SLC25A48: variants seen among roughly 807,000 people sequenced by gnomAD.
SLC25A48 encodes solute carrier family 25 member 48, also known as CTC-321K16.1.
Under a neutral mutation model 32.2 loss-of-function variants are expected in SLC25A48, and 29 were observed. The ratio of observed to expected loss-of-function variants is 0.90; its 90% CI spans 0.67 to 1.23. The LOEUF is 1.23. SLC25A48 is among the 50% of genes most tolerant of loss of function. The pLI is 0.00. For missense variants in SLC25A48, 399 were observed against 422.7 expected, an observed-to-expected ratio of 0.94 and a Z score of 0.49; for synonymous variants, 164 against 172.3, an observed-to-expected ratio of 0.95 and a Z score of 0.38.
intron 3 of SLC25A48, among the ~76,000 whole-genome samples, chr5:135,717,209 A>G (rs1754822046): frequency 6.6e-6 from 1 of 152,180 alleles, no homozygotes; most frequent in East Asian, 1.9e-4. Flanking sequence ...CTCTGGCAAG[A>G]AACTCGTCTC....
intron 1 of SLC25A48, among the ~76,000 whole-genome samples, chr5:135,585,435 T>A (rs1294313742): frequency 6.6e-6 from 1 of 152,208 alleles, no homozygotes; most frequent in Non-Finnish European, 1.5e-5. Flanking sequence ...GAGAGGCACC[T>A]GCTGTCCGCG....
At chr5:135,850,346 C>T (rs1484281248) in intron 2 of SLC25A48, 79 bp from the exon 3 acceptor site, 5 of 1,453,396 alleles carry the variant, frequency 3.4e-6, no homozygotes, top group Admixed American at 1.7e-5. Context: ...TGAGCAGGGC[C>T]TTTCCCTCTG....
intron 3 of SLC25A48, among the ~76,000 whole-genome samples, chr5:135,685,041 T>C (rs1753985871): frequency 6.6e-6 from 1 of 152,220 alleles, no homozygotes; most frequent in African/African-American, 2.4e-5. Context: ...TGAGCTTGTC[T>C]GTTTTCCTGA....
intron 4 of SLC25A48, among the ~76,000 whole-genome samples, chr5:135,825,351 C>T (rs4976477): frequency 0.15 from 22,379 of 152,200 alleles, 1,916 homozygotes; most frequent in Middle Eastern, 0.2. Flanking sequence ...GGATTTGACC[C>T]GAAGCTTGTG....
chr5:135,668,765 C>T (rs111484101), intron 3 of SLC25A48, among the ~76,000 whole-genome samples: 1,535 of 152,292 alleles, frequency 0.01, 28 homozygotes, highest in African/African-American at 0.035. Flanking sequence ...GGGCTCTGTT[C>T]CCTAAGCCAG....
chr5:135,870,908 T>G (rs1261561515), intron 4 of SLC25A48, among the ~76,000 whole-genome samples: 1 of 151,260 alleles, frequency 6.6e-6, no homozygotes, highest in Non-Finnish European at 1.5e-5. Context: ...TATAAAATTA[T>G]AAATATTAAA....
At chr5:135,696,462 T>A (rs1403942683) in intron 3 of SLC25A48, among the ~76,000 whole-genome samples, 2 of 152,148 alleles carry the variant, frequency 1.3e-5, no homozygotes, top group African/African-American at 4.8e-5. Context: ...GGCAGTGAAT[T>A]CCAGAAGGGC....
intron 3 of SLC25A48, among the ~76,000 whole-genome samples, chr5:135,790,341 A>G (rs1207743332): frequency 6.6e-6 from 1 of 151,798 alleles, no homozygotes; most frequent in African/African-American, 2.4e-5. Flanking sequence ...ATTATTCATA[A>G]TGTCCTAGGG....
chr5:135,804,030 T>C (rs974495670), intron 3 of SLC25A48, among the ~76,000 whole-genome samples: 1 of 151,418 alleles, frequency 6.6e-6, no homozygotes, highest in Non-Finnish European at 1.5e-5. Flanking sequence ...TTCTGTGATA[T>C]TAGGAATCAT....
chr5:135,645,024 C>T (rs912605045), intron 3 of SLC25A48, among the ~76,000 whole-genome samples: 4 of 152,128 alleles, frequency 2.6e-5, no homozygotes, highest in Non-Finnish European at 2.9e-5. Flanking sequence ...TCCATCTGTC[C>T]CCATTCTAAA....
intron 4 of SLC25A48, among the ~76,000 whole-genome samples, chr5:135,855,201 G>A (rs994716592): frequency 1.3e-5 from 2 of 152,180 alleles, no homozygotes; most frequent in African/African-American, 2.4e-5. Context: ...ATAGAGATAG[G>A]AAGTGAGCAC....
upstream of SLC25A48, among the ~76,000 whole-genome samples, chr5:135,830,320 C>G (rs2126669778): frequency 6.6e-6 from 1 of 152,338 alleles, no homozygotes; most frequent in East Asian, 1.9e-4. Flanking sequence ...AGCTGATATC[C>G]CCGTGGCCAA....
intron 3 of SLC25A48, among the ~76,000 whole-genome samples, chr5:135,661,532 A>G (rs1347854379): frequency 6.6e-6 from 1 of 152,146 alleles, no homozygotes; most frequent in African/African-American, 2.4e-5. Context: ...ATTAAATCCC[A>G]CAAAAAACAT....
intron 3 of SLC25A48, among the ~76,000 whole-genome samples, chr5:135,758,495 A>C (rs1187061031): frequency 6.6e-6 from 1 of 150,900 alleles, no homozygotes; most frequent in Non-Finnish European, 1.5e-5. Context: ...TAGTGTTAAC[A>C]CACTATGATA....
chr5:135,817,199 T>C (rs1757742061), intron 4 of SLC25A48, among the ~76,000 whole-genome samples: 1 of 152,120 alleles, frequency 6.6e-6, no homozygotes, highest in Admixed American at 6.5e-5. Flanking sequence ...GAGAGCAGTA[T>C]GATATTGGCA....
intron 3 of SLC25A48, among the ~76,000 whole-genome samples, chr5:135,772,732 T>C (rs565987285): frequency 1.8e-4 from 28 of 151,790 alleles, no homozygotes; most frequent in African/African-American, 6.3e-4. Flanking sequence ...TTACTCTCAA[T>C]ATCGCAGATG....
At chr5:135,761,920 C>T (rs1268387998) in intron 3 of SLC25A48, among the ~76,000 whole-genome samples, 1 of 152,164 alleles carries the variant, frequency 6.6e-6, no homozygotes, top group Non-Finnish European at 1.5e-5. Flanking sequence ...CTGGAACCTG[C>T]CCAGATTGTT....
At chr5:135,885,839 A>G (rs1762693714) in intron 7 of SLC25A48, among the ~76,000 whole-genome samples, 2 of 152,264 alleles carry the variant, frequency 1.3e-5, no homozygotes, top group African/African-American at 4.8e-5. Flanking sequence ...AAAAAGAATG[A>G]GATAGATCTC....
At chr5:135,775,813 T>C (rs1443514714) in intron 3 of SLC25A48, among the ~76,000 whole-genome samples, 3 of 151,804 alleles carry the variant, frequency 2.0e-5, no homozygotes, top group Non-Finnish European at 2.9e-5. Flanking sequence ...AGGGAGAGGA[T>C]GCTATTACGC....
Sources: allele counts gnomAD v4.1 joint callset (sites outside exome capture counted in the v4.1 genomes callset), GRCh38; gene constraint gnomAD v4.1.1; transcripts MANE v1.5; gene names NCBI Gene and HGNC (gene_info 2026-07-23, HGNC 2026-07-21).